Variants in ADAM10 observed in about 807,000 individuals in gnomAD.
The protein encoded by ADAM10 is disintegrin and metalloproteinase domain-containing protein 10.
A neutral mutation model predicts 90.1 loss-of-function variants in ADAM10; 17 were observed. The ratio of observed to expected loss-of-function variants is 0.19; its 90% confidence interval spans 0.13 to 0.28. The LOEUF is 0.28. Among genes scored for constraint, ADAM10 ranks in the 10% least tolerant of loss-of-function variants. The pLI, the probability that ADAM10 is intolerant of heterozygous loss-of-function variation, is 1.00. For missense variants in ADAM10, 610 were observed against 914.3 expected (o/e 0.67, Z 4.29); for synonymous variants, 310 against 298.6 (o/e 1.04, Z -0.40).
At chr15:58,616,807 TA>T (rs1165138798) in intron 11 of ADAM10, among the ~76,000 whole-genome samples, 1 of 151,792 alleles carries the variant, frequency 6.6e-6, no homozygotes, top group Non-Finnish European at 1.5e-5. Context: ...AAATTGAGAC[TA>T]AAAAAATACA....
chr15:58,749,587 A>G lies in ADAM10; in HGVS notation c.-53T>C. 1.9e-6 allele frequency: 3 copies of G among 1,547,480 alleles called. No homozygotes were observed. Among genetic ancestry groups the G allele is most frequent in the South Asian group, 2.4e-5 (2 of 83,658 alleles). On this transcript the variant is annotated 5_prime_UTR_variant, in exon 1 of 16. It removes an upstream start codon present in the reference 5' UTR. Coordinates refer to ENST00000260408, the MANE Select transcript of ADAM10 (RefSeq NM_001110.4). Reference sequence around the variant, plus strand: ...CCTCCTCACGGGTTAACAGCAGCACATCGATCCGGAGGGAGAAGCTGAAGG... The same window carrying G: ...CCTCCTCACGGGTTAACAGCAGCACGTCGATCCGGAGGGAGAAGCTGAAGG...
In ADAM10 at chr15:58,620,660, A is replaced by ATT. The variant is rs570842513; in HGVS notation, c.1511+809_1511+810dup. Among the ~76,000 whole-genome samples the ATT allele has an allele frequency of 9.2e-3, 544 of 59,400 alleles. 109 individuals carry two copies. Among genetic ancestry groups the ATT allele is most frequent in the Middle Eastern group, 0.019 (2 of 106 alleles). 39.0% of individuals were successfully genotyped at this position (59,400 alleles called of 152,430 possible). On this transcript the variant is annotated intron_variant, in intron 11 of 15. Coordinates refer to ENST00000260408, the MANE Select transcript of ADAM10 (RefSeq NM_001110.4). ...CACAATAAGTAACTAAAGAATATGT[A>ATT]TTTTTTTTTTTTTTTTTTTGAGACG...
intron 1 of ADAM10, among the ~76,000 whole-genome samples, chr15:58,745,420 T>TG (rs1164217483): frequency 5.9e-5 from 9 of 152,278 alleles, no homozygotes; most frequent in Admixed American, 5.9e-4. Context: ...GAAAAAGAAA[T>TG]GGTTTCTTAC....
At chr15:58,651,760 A>G (rs1406947737) in intron 5 of ADAM10, among the ~76,000 whole-genome samples, 3 of 152,116 alleles carry the variant, frequency 2.0e-5, no homozygotes, top group Non-Finnish European at 2.9e-5. Context: ...CTTCGGGTAG[A>G]TGTGCAGCAG....
chr15:58,740,451 GA>G (rs1347243809), intron 1 of ADAM10, among the ~76,000 whole-genome samples: 1 of 151,618 alleles, frequency 6.6e-6, no homozygotes, highest in African/African-American at 2.4e-5. Context: ...CTATAAAATA[GA>G]AAAAATATGG....
intron 14 of ADAM10, among the ~76,000 whole-genome samples, chr15:58,603,876 T>TTA (rs1555410219): frequency 2.8e-5 from 2 of 72,068 alleles, no homozygotes; most frequent in Non-Finnish European, 5.5e-5. Flanking sequence ...GGTCCAGGGT[T>TTA]AAAAAAAAAA....
intron 5 of ADAM10, among the ~76,000 whole-genome samples, chr15:58,661,582 A>G (rs1195817034): frequency 1.3e-5 from 2 of 151,604 alleles, no homozygotes; most frequent in African/African-American, 4.9e-5. Flanking sequence ...GTTTTTTATG[A>G]TTTTCAGGTG....
intron 1 of ADAM10, among the ~76,000 whole-genome samples, chr15:58,724,496 C>T (rs745369411): frequency 1.1e-4 from 17 of 152,212 alleles, no homozygotes; most frequent in South Asian, 2.1e-4. Context: ...ACTGGCCCAG[C>T]TTACTGCCTG....
intron 5 of ADAM10, among the ~76,000 whole-genome samples, chr15:58,646,784 A>G (rs1896558829): frequency 1.3e-5 from 2 of 152,348 alleles, no homozygotes; most frequent in South Asian, 4.1e-4. Flanking sequence ...GATTAAGCCC[A>G]ATATTCTTTA....
chr15:58,625,149 C>G (rs1449696940), intron 10 of ADAM10, among the ~76,000 whole-genome samples: 2 of 152,078 alleles, frequency 1.3e-5, no homozygotes, highest in Non-Finnish European at 2.9e-5. Context: ...CAATAAAAAA[C>G]TGATTAACTG....
chr15:58,709,147 AAC>A (rs1175346525), intron 2 of ADAM10, among the ~76,000 whole-genome samples: 1 of 152,206 alleles, frequency 6.6e-6, no homozygotes, highest in Non-Finnish European at 1.5e-5. Context: ...AAATAGGATA[AAC>A]ATTAAAAGAA....
At chr15:58,603,970 T>G (rs1566964081) in intron 14 of ADAM10, among the ~76,000 whole-genome samples, 1 of 149,834 alleles carries the variant, frequency 6.7e-6, no homozygotes, top group Non-Finnish European at 1.5e-5. Flanking sequence ...AGAAAAAAAG[T>G]AGAAAAAAAT....
intron 2 of ADAM10, among the ~76,000 whole-genome samples, chr15:58,694,360 A>T (rs1372359658): frequency 6.6e-6 from 1 of 152,090 alleles, no homozygotes; most frequent in Non-Finnish European, 1.5e-5. Context: ...CTGAGGCAAG[A>T]GAATTGCTTG....
chr15:58,671,772 T>C (rs1897198905), intron 4 of ADAM10, among the ~76,000 whole-genome samples: 1 of 152,172 alleles, frequency 6.6e-6, no homozygotes, highest in African/African-American at 2.4e-5. Flanking sequence ...CAGTAGTAAA[T>C]ATGGCTCACC....
At chr15:58,608,084 G>T (rs1895328606) in intron 14 of ADAM10, among the ~76,000 whole-genome samples, 1 of 152,066 alleles carries the variant, frequency 6.6e-6, no homozygotes, top group Non-Finnish European at 1.5e-5. Context: ...AATGTATTTG[G>T]AAAAATCAAA....
intron 7 of ADAM10, among the ~76,000 whole-genome samples, chr15:58,642,918 T>G (rs1216349025): frequency 2.0e-5 from 3 of 152,188 alleles, no homozygotes; most frequent in Non-Finnish European, 4.4e-5. Flanking sequence ...TCACACTGCT[T>G]CTAAATTTAA....
At chr15:58,708,726 C>T (rs929743395) in intron 2 of ADAM10, among the ~76,000 whole-genome samples, 1 of 152,174 alleles carries the variant, frequency 6.6e-6, no homozygotes, top group Non-Finnish European at 1.5e-5. Context: ...AACTAAGATT[C>T]TTGATTTGCT....
At chr15:58,699,604 CT>C (rs1445956957) in intron 2 of ADAM10, among the ~76,000 whole-genome samples, 7 of 152,040 alleles carry the variant, frequency 4.6e-5, no homozygotes, top group Non-Finnish European at 1.0e-4. Flanking sequence ...AAAACCCTAT[CT>C]CTACAAAAAA....
intron 12 of ADAM10, 23 bp from the exon 13 acceptor site, chr15:58,611,130 AT>A: frequency 6.4e-7 from 1 of 1,561,938 alleles, no homozygotes; most frequent in Non-Finnish European, 8.8e-7. Context: ...TAAAAGACAA[AT>A]TGTTTAATCC....
Sources: allele counts gnomAD v4.1 joint callset (sites outside exome capture counted in the v4.1 genomes callset), GRCh38; gene constraint gnomAD v4.1.1; transcripts MANE v1.5; gene names NCBI Gene and HGNC (gene_info 2026-07-23, HGNC 2026-07-21).